Variants in STX1A observed in about 807,000 individuals in gnomAD.
STX1A encodes the protein syntaxin-1A.
Under a neutral mutation model 37.8 loss-of-function variants are expected in STX1A, and 4 were observed. The ratio of observed to expected loss-of-function variants is 0.11; its 90% CI spans 0.05 to 0.24. The LOEUF (loss-of-function observed/expected upper bound fraction) is 0.24, where lower values mean the gene tolerates loss of function less well. Ranked by LOEUF, STX1A falls within the 10% of genes least tolerant of loss-of-function variation. STX1A has a pLI of 1.00. For missense variants in STX1A, 251 were observed against 399.9 expected (o/e 0.63, Z 3.18); for synonymous variants, 135 against 147.4 (o/e 0.92, Z 0.61).
At chr7:73,708,467 G>A (rs746159330) in intron 3 of STX1A, 122 bp downstream of exon 3, 17 of 891,210 alleles carry the variant, frequency 1.9e-5, no homozygotes, top group African/African-American at 3.3e-5. Context: ...ACCCTGGCCC[G>A]CCCAGACACT....
intron 3 of STX1A, among the ~76,000 whole-genome samples, chr7:73,707,424 G>T (rs1554617160): frequency 6.6e-6 from 1 of 152,158 alleles, no homozygotes; most frequent in Non-Finnish European, 1.5e-5. Context: ...CGGAAGCTCT[G>T]CCTGCTTGGC....
In STX1A at chr7:73,709,177, C is replaced by T; in HGVS notation, c.31-55G>A. The stretch of plus-strand genomic sequence containing the variant: ...CGTATGTACAGGACCCACCTGTACA[C>T]ACGCAGGTGCCCAGGGTACAGCGCC... On this transcript the variant is annotated intron_variant, in intron 1 of 9. Transcript: ENST00000222812. The surrounding 1 kb of genome is among the most constrained non-coding windows in gnomAD (Gnocchi z 4.2). The T allele has an allele frequency of 1.9e-6, 3 of 1,550,300 alleles. No individual in the cohort carries two copies. Among genetic ancestry groups the T allele is most frequent in the Non-Finnish European group, 2.6e-6 (3 of 1,132,178 alleles).
chr7:73,708,489 C>T, intron 3 of STX1A, 100 bp downstream of exon 3: 1 of 1,184,440 alleles, frequency 8.4e-7, no homozygotes, highest in Non-Finnish European at 1.2e-6. Context: ...CTAAGCCCAC[C>T]AGCCATGAAG....
chr7:73,703,489 C>T, intron 7 of STX1A: 6 of 675,234 alleles, frequency 8.9e-6, no homozygotes, highest in Non-Finnish European at 1.6e-5. Context: ...GAAAAGGGCC[C>T]ACGGATAAGA....
Position 73,709,199 on chromosome 7 carries a change from C to G in STX1A, c.31-77G>C. ...ACACACGCAGGTGCCCAGGGTACAG[C>G]GCCAGGGCCCTGCCCCTCCCCCTCT... On this transcript the variant is annotated intron_variant, in intron 1 of 9. Coordinates refer to ENST00000222812, the MANE Select transcript of STX1A (RefSeq NM_004603.4). The surrounding 1 kb of genome is among the most constrained non-coding windows in gnomAD (Gnocchi z 4.2). 6.8e-7 allele frequency: 1 copy of G among 1,463,910 alleles called. No homozygotes were observed. Among genetic ancestry groups the G allele is most frequent in the Non-Finnish European group, 9.4e-7 (1 of 1,058,718 alleles). The allele number at this position is 1,463,910 out of a possible 1,614,324, so 90.7% of individuals were successfully genotyped here.
intron 8 of STX1A, chr7:73,701,099 G>C (rs555159527): frequency 6.0e-5 from 39 of 646,274 alleles, no homozygotes; most frequent in African/African-American, 6.0e-4. Flanking sequence ...TCAGCTGAGG[G>C]TTGGGGACCA....
At chr7:73,716,627 AG>A (rs1799297967) in intron 1 of STX1A, 1 of 152,396 alleles carries the variant, frequency 6.6e-6, no homozygotes, top group African/African-American at 2.4e-5. Context: ...GTGCTATCCC[AG>A]GGTCTCTTCT....
intron 1 of STX1A, among the ~76,000 whole-genome samples, chr7:73,718,130 C>CGGA (rs1250448284): frequency 6.6e-5 from 10 of 152,298 alleles, no homozygotes; most frequent in Admixed American, 6.5e-4. Flanking sequence ...TCTGACTCAA[C>CGGA]GGAGCTCAGG....
intron 1 of STX1A, among the ~76,000 whole-genome samples, chr7:73,712,625 C>T (rs1335503929): frequency 6.6e-6 from 1 of 152,156 alleles, no homozygotes; most frequent in Non-Finnish European, 1.5e-5. Flanking sequence ...TGACAGTGAG[C>T]TCACTAGCTT....
At position 73,709,078 on chromosome 7, in the gene STX1A, G is replaced by A; in HGVS notation, c.75C>T (p.Asp25=). Residue 25 remains aspartate (D), a synonymous_variant, in exon 2 of 10, where the codon GAC becomes GAT. Coordinates refer to ENST00000222812, the MANE Select transcript of STX1A (RefSeq NM_004603.4). This position sits in a 1 kb window ranked among gnomAD's most constrained non-coding sequence, Gnocchi z 4.2. Reference sequence around the variant, plus strand: ...AGAACTCATCCATGAAGCGGTCTCGGTCCACGGTGACAGCGACATCATCAT... The same window carrying A: ...AGAACTCATCCATGAAGCGGTCTCGATCCACGGTGACAGCGACATCATCAT... ...DDDDDVAVTV[D]RDRFMDEFFE... is the part of the protein sequence containing the mutation. The A allele has an allele frequency of 6.2e-7, 1 of 1,614,078 alleles. No homozygotes were observed. The highest frequency in any genetic ancestry group is 8.5e-7 in the Non-Finnish European group (1 of 1,180,010).
intron 1 of STX1A, among the ~76,000 whole-genome samples, chr7:73,714,389 TA>T (rs1311823992): frequency 6.6e-6 from 1 of 152,042 alleles, no homozygotes; most frequent in African/African-American, 2.4e-5. Context: ...ATTACAGGCG[TA>T]AGCCACCGCG....
rs567290817 is a variant in STX1A, at chr7:73,710,295, G to A, written c.31-1173C>T. The stretch of plus-strand genomic sequence containing the variant: ...TCTGCCTCATACCGCCAGTTGGCCA[G>A]GGTCAGCCCACGCTGCTGGCAAGGC... On this transcript the variant is annotated intron_variant, in intron 1 of 9. Transcript: ENST00000222812. 1.4e-3 allele frequency among the ~76,000 whole-genome samples: 215 copies of A among 152,392 alleles called. 3 individuals are homozygous for A. The highest frequency in any genetic ancestry group is 2.1e-3 in the Non-Finnish European group (145 of 68,044).
chr7:73,700,215 A>G lies in STX1A; in HGVS notation c.*192T>C. 3 of 626,942 alleles carry G rather than the reference A, an allele frequency of 4.8e-6. No homozygotes were observed. The highest frequency in any genetic ancestry group is 2.7e-5 in the East Asian group (1 of 36,450). 38.8% of individuals were successfully genotyped at this position (626,942 alleles called of 1,614,324 possible). A position where few individuals can be genotyped will look rare whatever the true frequency, so the allele number is the denominator to read the frequency against. ...CCTCTGCCTCTTCCCGTACAGACGC[A>G]CACTCACAGAGATCATGCACACGAC... On this transcript the variant is annotated 3_prime_UTR_variant, in exon 10 of 10. Transcript: ENST00000222812. The surrounding 1 kb of genome is among the most constrained non-coding windows in gnomAD (Gnocchi z 4.4).
intron 1 of STX1A, among the ~76,000 whole-genome samples, chr7:73,718,131 G>C (rs782204576): frequency 2.6e-5 from 4 of 152,074 alleles, no homozygotes; most frequent in South Asian, 4.2e-4. Flanking sequence ...CTGACTCAAC[G>C]GAGCTCAGGA....
rs782495874 is a variant in STX1A at position 73,700,697 on chromosome 7, G to A, written c.789+33C>T. The A allele has an allele frequency of 6.8e-6, 11 of 1,612,412 alleles. No homozygotes were observed. Among genetic ancestry groups the A allele is most frequent in the Non-Finnish European group, 9.3e-6 (11 of 1,179,670 alleles). Reference sequence around the variant, plus strand: ...GGTTGGGGGTCCCTAATGGGTGCTGGGGCATGGCCTTGGGCAGGGCTGGGC... The same window carrying A: ...GGTTGGGGGTCCCTAATGGGTGCTGAGGCATGGCCTTGGGCAGGGCTGGGC... On this transcript the variant is annotated intron_variant, in intron 9 of 9. Transcript: ENST00000222812. The surrounding 1 kb of genome is among the most constrained non-coding windows in gnomAD (Gnocchi z 4.4).
intron 6 of STX1A, 112 bp downstream of exon 6, chr7:73,704,036 C>T (rs565847919): frequency 7.7e-7 from 1 of 1,305,600 alleles, no homozygotes; most frequent in Admixed American, 2.3e-5. Flanking sequence ...CCTCGGGCCA[C>T]CCGCCTCGGG....
intron 2 of STX1A, 79 bp from the exon 3 acceptor site, chr7:73,708,767 G>A: frequency 6.7e-7 from 1 of 1,484,766 alleles, no homozygotes; most frequent in Non-Finnish European, 9.2e-7. Flanking sequence ...CCCAGAGTAG[G>A]GCTGCGGTCA....
At position 73,719,638 on chromosome 7, in the gene STX1A, G is replaced by A. The variant is rs1311174313; in HGVS notation, c.-7C>T. The A allele has an allele frequency of 4.5e-5, 54 of 1,196,024 alleles. No homozygotes were observed. Among genetic ancestry groups the A allele is most frequent in the Admixed American group, 1.4e-4 (3 of 22,072 alleles). The allele number at this position is 1,196,024 out of a possible 1,614,324, so 74.1% of individuals were successfully genotyped here. ...CCTGGGTTCGGTCCTTCATGCTCCC[G>A]GGAGTGGCAGCGGCGCCGGCTGCAG... On this transcript the variant is annotated 5_prime_UTR_variant, in exon 1 of 10. Transcript: ENST00000222812.
At chr7:73,715,655 C>G (rs1799267067) in intron 1 of STX1A, among the ~76,000 whole-genome samples, 1 of 152,148 alleles carries the variant, frequency 6.6e-6, no homozygotes, top group African/African-American at 2.4e-5. Context: ...CTGACTCCTC[C>G]AAGAGGCGCA....
Sources: allele counts gnomAD v4.1 joint callset (sites outside exome capture counted in the v4.1 genomes callset), GRCh38; gene constraint gnomAD v4.1.1; non-coding constraint Gnocchi (gnomAD v3.1); transcripts MANE v1.5; gene names NCBI Gene and HGNC (gene_info 2026-07-23, HGNC 2026-07-21).